The following TNFSF10 variants were observed in gnomAD, a reference collection of about 807,000 sequenced individuals.
TNFSF10 encodes tumor necrosis factor ligand superfamily member 10.
In TNFSF10, 13 loss-of-function variants were observed where a neutral mutation model predicts 29.5. That is an observed-to-expected ratio of 0.44 (90% confidence interval 0.29 to 0.70). The LOEUF (loss-of-function observed/expected upper bound fraction) is 0.70, where lower values mean the gene tolerates loss of function less well. Ranked by LOEUF, TNFSF10 falls within the 30% of genes least tolerant of loss-of-function variation. The pLI is 0.13. For missense variants in TNFSF10, 345 were observed against 330.9 expected, an observed-to-expected ratio of 1.04 and a Z score of -0.33; for synonymous variants, 111 against 112.8, an observed-to-expected ratio of 0.98 and a Z score of 0.10.
intron 3 of TNFSF10, among the ~76,000 whole-genome samples, chr3:172,510,995 C>T (rs1713195253): frequency 6.6e-6 from 1 of 152,038 alleles, no homozygotes; most frequent in South Asian, 2.1e-4. Context: ...GAAGAGGTGA[C>T]AATTACGTGA....
intron 2 of TNFSF10, among the ~76,000 whole-genome samples, chr3:172,513,686 T>G (rs186543532): frequency 6.6e-6 from 1 of 152,334 alleles, no homozygotes; most frequent in East Asian, 1.9e-4. Flanking sequence ...AATGGACTTA[T>G]AAACATGTGT....
At position 172,517,993 on chromosome 3, in the gene TNFSF10, C is replaced by T. The variant is rs1288934828; in HGVS notation, c.133-2995G>A. On this transcript the variant is annotated intron_variant, in intron 1 of 4. Transcript: ENST00000241261. ...TGGTAGTTTCTCCTATAGAACTTGG[C>T]CAATGCTGGTGACTAGACACATGGC... 3.0e-6 allele frequency: 3 copies of T among 985,780 alleles called. No individual in the cohort carries two copies. The East Asian group carries it at 3.4e-4, about 112-fold the overall frequency. 61.1% of individuals were successfully genotyped at this position (985,780 alleles called of 1,614,324 possible). A position where few individuals can be genotyped will look rare whatever the true frequency, so the allele number is the denominator to read the frequency against.
intron 3 of TNFSF10, among the ~76,000 whole-genome samples, chr3:172,511,229 G>C (rs926215630): frequency 6.6e-6 from 1 of 152,088 alleles, no homozygotes; most frequent in Non-Finnish European, 1.5e-5. Flanking sequence ...GGAGCCCAGT[G>C]GTGGCCTGAA....
chr3:172,511,766 C>A, intron 2 of TNFSF10, 107 bp from the exon 3 acceptor site: 3 of 887,414 alleles, frequency 3.4e-6, no homozygotes, highest in Non-Finnish European at 1.7e-6. Context: ...TTTCTACATG[C>A]ATTATCAATC....
chr3:172,506,797 A>T lies in TNFSF10; in HGVS notation c.541T>A (p.Phe181Ile), dbSNP rs1713003973. Residue 181 changes from phenylalanine to isoleucine, a missense_variant, in exon 5 of 5, where the codon TTT (phenylalanine) becomes ATT (isoleucine). Physicochemically the swap from Phe to Ile is conservative, Grantham distance 21. Coordinates refer to ENST00000241261, the MANE Select transcript of TNFSF10 (RefSeq NM_003810.4). ...NGELVIHEKG[F>I]YYIYSQTYFR... ...TATGTTTGGGAATAGATGTAGTAAA[A>T]CCCTTTTTCATGGATGACCAGTTCA... The T allele has an allele frequency of 1.2e-6, 2 of 1,614,034 alleles. No homozygotes were observed. Among genetic ancestry groups the T allele is most frequent in the Non-Finnish European group, 1.7e-6 (2 of 1,180,042 alleles).
At chr3:172,514,138 T>G (rs1713339546) in intron 2 of TNFSF10, among the ~76,000 whole-genome samples, 2 of 152,110 alleles carry the variant, frequency 1.3e-5, no homozygotes, top group Non-Finnish European at 2.9e-5. Flanking sequence ...TACACCCGGC[T>G]GCAAATATTA....
Position 172,514,878 on chromosome 3 carries a change from G to GTTA in TNFSF10, c.252_253insTAA (p.Leu84_Arg85insTer), listed in dbSNP as rs1713366219. ...TTACCTACCTTTCTAACGAGCTGACGGAGTTGCCACTTGACTTGCCAGCAG... is the reference window on the plus strand; with the variant it reads ...TTACCTACCTTTCTAACGAGCTGACGTTAGAGTTGCCACTTGACTTGCCAGCAG... On this transcript the variant is annotated stop_gained and inframe_insertion, in exon 2 of 5. Transcript: ENST00000241261. LOFTEE classifies it high-confidence loss of function. 1 of 1,614,020 alleles carries GTTA rather than the reference G, an allele frequency of 6.2e-7. No individual in the cohort carries two copies. The highest frequency in any genetic ancestry group is 8.5e-7 in the Non-Finnish European group (1 of 1,180,016).
At chr3:172,511,386 A>T (rs553116033) in intron 3 of TNFSF10, 2 of 388,398 alleles carry the variant, frequency 5.1e-6, no homozygotes, top group East Asian at 8.2e-5. Flanking sequence ...GGAAGAATAA[A>T]ATTAAGTTGA....
At chr3:172,510,544 A>G (rs1379332894) in intron 3 of TNFSF10, among the ~76,000 whole-genome samples, 1 of 152,224 alleles carries the variant, frequency 6.6e-6, no homozygotes, top group African/African-American at 2.4e-5. Flanking sequence ...CTCCCAAAAA[A>G]GAAACCTGCA....
chr3:172,513,291 C>T (rs1252139105), intron 2 of TNFSF10, among the ~76,000 whole-genome samples: 4 of 152,214 alleles, frequency 2.6e-5, no homozygotes, highest in African/African-American at 7.2e-5. Context: ...GACAATCGCA[C>T]CTCCACCCTC....
At chr3:172,522,626 A>T (rs1160098315) in intron 1 of TNFSF10, among the ~76,000 whole-genome samples, 2 of 152,246 alleles carry the variant, frequency 1.3e-5, no homozygotes, top group Admixed American at 6.5e-5. Flanking sequence ...GTTATAATAT[A>T]AAAAAGGAAG....
intron 3 of TNFSF10, 83 bp from the exon 4 acceptor site, chr3:172,509,404 GC>G: frequency 9.7e-7 from 1 of 1,031,396 alleles, no homozygotes; most frequent in South Asian, 1.6e-5. Context: ...TTGTCAATCA[GC>G]CATCGTAAGC....
At chr3:172,509,170 T>A (rs1035440232) in intron 4 of TNFSF10, 47 bp downstream of exon 4, 1 of 1,496,768 alleles carries the variant, frequency 6.7e-7, no homozygotes, top group Non-Finnish European at 9.2e-7. Flanking sequence ...CTTGGCACAA[T>A]CCTTCCATTA....
chr3:172,509,317 CT>C lies in TNFSF10; in HGVS notation c.317del (p.Lys106SerfsTer8), dbSNP rs1318448131. ...TCACTAGGGGAGAAATATTTTGTTG[CT>C]TTTCTAAAAGAGAAATGATAAAGGG... ...SEETISTVQE[K>X]QQNISPLVRE... On this transcript the variant is annotated frameshift_variant, in exon 4 of 5. Transcript: ENST00000241261. LOFTEE classifies it high-confidence loss of function. 1.9e-6 allele frequency: 3 copies of C among 1,612,972 alleles called. No homozygotes were observed. The highest frequency in any genetic ancestry group is 2.5e-6 in the Non-Finnish European group (3 of 1,179,476).
At position 172,523,401 on chromosome 3, in the gene TNFSF10, G is replaced by T; in HGVS notation, c.-17C>A. 2 of 1,606,002 alleles carry T rather than the reference G, an allele frequency of 1.2e-6. No homozygotes were observed. The highest frequency in any genetic ancestry group is 2.2e-5 in the South Asian group (2 of 90,618). ...CATAGCCATGATCCTGTCAGAGTCT[G>T]ACTGCTGTAAGTCAGCCAGGCAGCC... is the stretch of plus-strand genomic sequence containing the variant. On this transcript the variant is annotated 5_prime_UTR_variant, in exon 1 of 5. Transcript: ENST00000241261.
chr3:172,509,328 G>A lies in TNFSF10; in HGVS notation c.314-7C>T, dbSNP rs893724450. The A allele has an allele frequency of 2.5e-6, 4 of 1,611,420 alleles. No individual in the cohort carries two copies. The highest frequency in any genetic ancestry group is 1.1e-5 in the South Asian group (1 of 90,834). On this transcript the variant is annotated splice_region_variant and splice_polypyrimidine_tract_variant and intron_variant, in intron 3 of 4. Coordinates refer to ENST00000241261, the MANE Select transcript of TNFSF10 (RefSeq NM_003810.4). ...GAAATATTTTGTTGCTTTTCTAAAAGAGAAATGATAAAGGGTCATCAACAC... is the reference window on the plus strand; with the variant it reads ...GAAATATTTTGTTGCTTTTCTAAAAAAGAAATGATAAAGGGTCATCAACAC...
chr3:172,517,943 C>A, intron 1 of TNFSF10: 1 of 985,522 alleles, frequency 1.0e-6, no homozygotes, highest in Non-Finnish European at 1.2e-6. Flanking sequence ...TCTCCACCCT[C>A]ACATGTTTCT....
At chr3:172,520,311 C>T (rs1275431796) in intron 1 of TNFSF10, among the ~76,000 whole-genome samples, 1 of 152,166 alleles carries the variant, frequency 6.6e-6, no homozygotes, top group East Asian at 1.9e-4. Context: ...TGGCAGTTTG[C>T]TTTTCAATTG....
At chr3:172,516,877 G>T (rs1486867008) in intron 1 of TNFSF10, among the ~76,000 whole-genome samples, 1 of 152,230 alleles carries the variant, frequency 6.6e-6, no homozygotes, top group Non-Finnish European at 1.5e-5. Context: ...AGAAGGAAGA[G>T]ACGAGAAACT....
Sources: gnomAD v4.1 joint callset for allele counts (sites outside exome capture counted in the v4.1 genomes callset) on GRCh38, gnomAD v4.1.1 for gene constraint, MANE v1.5 for transcripts, NCBI Gene and HGNC (gene_info 2026-07-23, HGNC 2026-07-21) for gene names.